The following GBF1 variants were observed in gnomAD, a reference collection of about 807,000 sequenced individuals.
GBF1 encodes Golgi-specific brefeldin A-resistance guanine nucleotide exchange factor 1.
In GBF1, 114 loss-of-function variants were observed where a neutral mutation model predicts 210.5. That is an observed-to-expected ratio of 0.54 (90% CI 0.47 to 0.63). The LOEUF (loss-of-function observed/expected upper bound fraction) is 0.63, where lower values mean the gene tolerates loss of function less well. Among genes scored for constraint, GBF1 ranks in the 30% least tolerant of loss-of-function variants. The pLI is 0.00. For synonymous variants in GBF1, 850 were observed against 889.2 expected (o/e 0.96, Z 0.78); for missense variants, 1,851 against 2,357.7 (o/e 0.79, Z 4.45).
chr10:102,261,916 T>C (rs188389388), intron 3 of GBF1, among the ~76,000 whole-genome samples: 5 of 152,196 alleles, frequency 3.3e-5, no homozygotes, highest in African/African-American at 1.2e-4. Flanking sequence ...GCCACCGTGC[T>C]CAGCCCATAT....
At chr10:102,361,933 C>T (rs752954464) in intron 14 of GBF1, 21 bp downstream of exon 14, 3 of 1,499,040 alleles carry the variant, frequency 2.0e-6, no homozygotes, top group Non-Finnish European at 1.8e-6. Flanking sequence ...CTATAACTGG[C>T]TTCTAGGAAA....
At chr10:102,255,717 C>A (rs1162140164) in intron 1 of GBF1, among the ~76,000 whole-genome samples, 2 of 152,178 alleles carry the variant, frequency 1.3e-5, no homozygotes, top group Non-Finnish European at 2.9e-5. Flanking sequence ...TACTTTAAAT[C>A]ATTTTTGAAT....
chr10:102,338,469 C>T (rs1189192361), intron 3 of GBF1, among the ~76,000 whole-genome samples: 7 of 151,770 alleles, frequency 4.6e-5, no homozygotes, highest in African/African-American at 1.7e-4. Context: ...ATCTGAAACT[C>T]GTGACCTCAA....
In GBF1 at chr10:102,359,440, G is replaced by T. The variant is rs2059468853; in HGVS notation, c.1180+5G>T. 6.2e-7 allele frequency: 1 copy of T among 1,608,146 alleles called. No individual in the cohort carries two copies. The highest frequency in any genetic ancestry group is 1.3e-5 in the African/African-American group (1 of 74,748). ...CACAGTCCTCCCAGAAAGAAGGTGG[G>T]TATTCTGGTAGGCTCTGCCAATTCA... is the stretch of plus-strand genomic sequence containing the variant. On this transcript the variant is annotated splice_donor_5th_base_variant and intron_variant, in intron 11 of 39. Transcript: ENST00000369983.
the GBF1 span, chr10:102,231,467 C>T: frequency 8.8e-6 from 6 of 680,398 alleles, no homozygotes; most frequent in Non-Finnish European, 1.2e-5. Context: ...CGGCCGGGAG[C>T]CAGGGTCCGG....
chr10:102,301,660 C>T, intron 3 of GBF1, among the ~76,000 whole-genome samples: 1 of 151,324 alleles, frequency 6.6e-6, no homozygotes, highest in Non-Finnish European at 1.5e-5. Flanking sequence ...TCCTCACATC[C>T]CAGATGGGGC....
Position 102,362,591 on chromosome 10 carries a change from C to T in GBF1, c.1803C>T (p.Leu601=). The T allele has an allele frequency of 6.2e-7, 1 of 1,614,182 alleles. No homozygotes were observed. The highest frequency in any genetic ancestry group is 8.5e-7 in the Non-Finnish European group (1 of 1,180,000). ...AHCQAKVLNS[L]TQQEKKETAR... The stretch of plus-strand genomic sequence containing the variant: ...GCCAGGCTAAAGTCCTCAACAGCCT[C>T]ACCCAGCAAGAGAAGAAGGAGACAG... The change falls in exon 15 of 40, where the codon CTC becomes CTT. Residue 601 remains leucine, a synonymous_variant. Transcript: ENST00000369983.
intron 3 of GBF1, among the ~76,000 whole-genome samples, chr10:102,309,036 C>T (rs949076904): frequency 6.6e-6 from 1 of 152,130 alleles, no homozygotes; most frequent in Non-Finnish European, 1.5e-5. Flanking sequence ...ATTGGGATTT[C>T]TGGGTCCTAA....
chr10:102,290,196 A>G (rs1445762278), intron 3 of GBF1, among the ~76,000 whole-genome samples: 1 of 152,124 alleles, frequency 6.6e-6, no homozygotes, highest in East Asian at 1.9e-4. Context: ...ATGCCTTATT[A>G]TTATTTTTTC....
intron 3 of GBF1, among the ~76,000 whole-genome samples, chr10:102,290,797 A>T (rs997045320): frequency 2.6e-5 from 4 of 152,190 alleles, no homozygotes; most frequent in African/African-American, 7.2e-5. Context: ...GAGCCACCAC[A>T]CCCAGCCTGC....
At chr10:102,365,642 G>A in intron 18 of GBF1, 43 bp downstream of exon 18, 1 of 1,517,600 alleles carries the variant, frequency 6.6e-7, no homozygotes, top group Non-Finnish European at 9.2e-7. Flanking sequence ...CAGGTATGGT[G>A]GCTCATGCCT....
intron 1 of GBF1, 88 bp from the exon 2 acceptor site, chr10:102,258,841 C>A: frequency 3.9e-5 from 24 of 614,518 alleles, no homozygotes; most frequent in Non-Finnish European, 6.2e-5. Flanking sequence ...AATCACAATT[C>A]TAACCTTATC....
At position 102,324,700 on chromosome 10, in the gene GBF1, C is replaced by T. The variant is rs368243114; in HGVS notation, c.164-19351C>T. ...CTTCCAGGTTCAAGCGATTCTCCTG[C>T]CTCAGCCTTCTGAGTAGCTGGGATT... is the stretch of plus-strand genomic sequence containing the variant. On this transcript the variant is annotated intron_variant, in intron 3 of 39. Transcript: ENST00000369983. Among the ~76,000 whole-genome samples, 11 of 152,256 alleles carry T rather than the reference C, an allele frequency of 7.2e-5. 1 individual carries two copies. The East Asian group carries it at 1.7e-3, about 24-fold the overall frequency.
At chr10:102,250,543 T>A (rs563088071) in intron 1 of GBF1, among the ~76,000 whole-genome samples, 2,402 of 113,724 alleles carry the variant, frequency 0.021, 36 homozygotes, top group Non-Finnish European at 0.026. Context: ...TTTTTTTTTT[T>A]AATTTATGTT....
chr10:102,293,718 CTTATATAATAAAGATATAAGAAAATAT>C (rs2076629409), intron 3 of GBF1, among the ~76,000 whole-genome samples: 1 of 147,256 alleles, frequency 6.8e-6, no homozygotes, highest in Non-Finnish European at 1.5e-5. Flanking sequence ...TAGAAGAAAC[CTTATATAATAAAGATATAAGAAAATAT>C]TTTGTACAGC....
chr10:102,308,026 T>G (rs1475859680), intron 3 of GBF1, among the ~76,000 whole-genome samples: 1 of 151,602 alleles, frequency 6.6e-6, no homozygotes, highest in Non-Finnish European at 1.5e-5. Context: ...GGATGTGGAG[T>G]AACTCAGACT....
intron 3 of GBF1, among the ~76,000 whole-genome samples, chr10:102,288,492 A>T (rs970978148): frequency 1.3e-5 from 2 of 151,582 alleles, no homozygotes; most frequent in East Asian, 3.9e-4. Context: ...CGGGCGGATC[A>T]TGAGGTCAGG....
At position 102,364,183 on chromosome 10, in the gene GBF1, G is replaced by C. The variant is rs189162822; in HGVS notation, c.2106+385G>C. Among the ~76,000 whole-genome samples the C allele has an allele frequency of 7.1e-5, 10 of 141,190 alleles. No homozygotes were observed. The East Asian group carries it at 2.4e-3, about 33-fold the overall frequency. 92.6% of individuals were successfully genotyped at this position (141,190 alleles called of 152,430 possible). On this transcript the variant is annotated intron_variant, in intron 17 of 39. Coordinates refer to ENST00000369983, the MANE Select transcript of GBF1 (RefSeq NM_001377137.1). Reference sequence around the variant, plus strand: ...CTGGTGCTTTAGTAAGGTTCAAATAGTAAGGTTCAAATAACTGTTTGTACT... The same window carrying C: ...CTGGTGCTTTAGTAAGGTTCAAATACTAAGGTTCAAATAACTGTTTGTACT...
In GBF1 at chr10:102,382,295, C is replaced by T. The variant is rs1565194073; in HGVS notation, c.5542C>T (p.Pro1848Ser). 2 of 1,613,554 alleles carry T rather than the reference C, an allele frequency of 1.2e-6. No individual in the cohort carries two copies. The highest frequency in any genetic ancestry group is 2.2e-5 in the East Asian group (1 of 44,866). Residue 1848 changes from proline (P) to serine (S), a missense_variant, in exon 40 of 40, where the codon CCC (proline) becomes TCC (serine). Around this residue, in one of 3 missense-constraint regions of GBF1, gnomAD observed 967 missense variants for 1,247.7 expected, o/e 0.78. Transcript: ENST00000369983. ...ATSPVPLLAT[P>S]RPTDPIPTSE... The stretch of plus-strand genomic sequence containing the variant: ...CTCACCAGTGCCCCTCCTGGCCACA[C>T]CCCGCCCCACAGATCCCATACCCAC...
Sources: allele counts gnomAD v4.1 joint callset (sites outside exome capture counted in the v4.1 genomes callset), GRCh38; gene constraint gnomAD v4.1.1; regional missense constraint gnomAD v4.1.1; transcripts MANE v1.5; gene names NCBI Gene and HGNC (gene_info 2026-07-23, HGNC 2026-07-21).